Variants in GALNT11 observed in about 807,000 individuals in gnomAD.
GALNT11 encodes UDP-GalNAc:polypeptide N-acetylgalactosaminyltransferase 11.
Under a neutral mutation model 72.7 loss-of-function variants are expected in GALNT11, and 47 were observed. The ratio of observed to expected loss-of-function variants is 0.65; its 90% CI spans 0.51 to 0.82. The LOEUF is 0.82. Among genes scored for constraint, GALNT11 ranks in the 40% least tolerant of loss-of-function variants. GALNT11 has a pLI of 0.00. For synonymous variants in GALNT11, 270 were observed against 286.6 expected, an observed-to-expected ratio of 0.94 and a Z score of 0.58; for missense variants, 677 against 778.4, an observed-to-expected ratio of 0.87 and a Z score of 1.55.
intron 1 of GALNT11, among the ~76,000 whole-genome samples, chr7:152,040,356 G>T (rs1188918552): frequency 6.6e-6 from 1 of 152,162 alleles, no homozygotes; most frequent in Non-Finnish European, 1.5e-5. Context: ...TCGAGAATTA[G>T]CTCCTCCTGT....
chr7:152,121,805 C>T lies in GALNT11; in HGVS notation c.*128C>T, dbSNP rs201031133. The stretch of plus-strand genomic sequence containing the variant: ...AGAAGATGACAGTTCCCTGTCCTCC[C>T]GGAGATGCCTGGGTGTGTTAGCAGA... On this transcript the variant is annotated 3_prime_UTR_variant, in exon 12 of 12. Transcript: ENST00000430044. The T allele has an allele frequency of 3.4e-5, 41 of 1,208,856 alleles. 1 individual carries two copies. The highest frequency in any genetic ancestry group is 6.1e-5 in the South Asian group (4 of 65,132). 74.9% of individuals were successfully genotyped at this position (1,208,856 alleles called of 1,614,324 possible).
chr7:152,028,784 A>G (rs1386111471), intron 1 of GALNT11, among the ~76,000 whole-genome samples: 1 of 152,152 alleles, frequency 6.6e-6, no homozygotes, highest in Non-Finnish European at 1.5e-5. Flanking sequence ...CTGCAATTGT[A>G]GTGTCCTCCA....
In GALNT11 at chr7:152,113,712, C is replaced by CTTTTTTTTTTTTTTT. The variant is rs6150397; in HGVS notation, c.1233+342_1233+356dup. ...TGTGACGCCTGCAAAAGTTGGCTTT[C>CTTTTTTTTTTTTTTT]TTTTTTTTTTTTTTTTTTTTTTTTT... On this transcript the variant is annotated intron_variant, in intron 8 of 11. Coordinates refer to ENST00000430044, the MANE Select transcript of GALNT11 (RefSeq NM_022087.4). Among the ~76,000 whole-genome samples the CTTTTTTTTTTTTTTT allele has an allele frequency of 3.1e-4, 30 of 97,014 alleles. 4 individuals carry two copies. The highest frequency in any genetic ancestry group is 4.1e-4 in the Admixed American group (4 of 9,846). 63.6% of individuals were successfully genotyped at this position (97,014 alleles called of 152,430 possible).
chr7:152,033,563 G>A (rs2082409887), intron 1 of GALNT11, among the ~76,000 whole-genome samples: 1 of 152,238 alleles, frequency 6.6e-6, no homozygotes, highest in Non-Finnish European at 1.5e-5. Flanking sequence ...TGACTCTCAA[G>A]TGAGTCTGGT....
chr7:152,053,290 C>G (rs908864318), intron 1 of GALNT11, among the ~76,000 whole-genome samples: 1 of 152,152 alleles, frequency 6.6e-6, no homozygotes, highest in Non-Finnish European at 1.5e-5. Flanking sequence ...TAACCTTATC[C>G]TGCTCCGTGA....
intron 1 of GALNT11, among the ~76,000 whole-genome samples, chr7:152,056,982 G>A (rs911117145): frequency 6.0e-5 from 9 of 151,112 alleles, no homozygotes; most frequent in Admixed American, 5.3e-4. Context: ...GGGACCACAG[G>A]TGTGTGCCAG....
At chr7:152,105,125 G>A in intron 4 of GALNT11, 120 bp from the exon 5 acceptor site, 1 of 1,046,934 alleles carries the variant, frequency 9.6e-7, no homozygotes, top group Non-Finnish European at 1.4e-6. Flanking sequence ...ATATTCTGTA[G>A]TATTTGCTTG....
intron 1 of GALNT11, among the ~76,000 whole-genome samples, chr7:152,034,021 C>T (rs1304625904): frequency 6.6e-6 from 1 of 152,132 alleles, no homozygotes; most frequent in Non-Finnish European, 1.5e-5. Context: ...TGAAAACTTA[C>T]CCAGGTCTGC....
intron 1 of GALNT11, among the ~76,000 whole-genome samples, chr7:152,071,139 T>A (rs1587149133): frequency 6.6e-6 from 1 of 152,248 alleles, no homozygotes; most frequent in African/African-American, 2.4e-5. Context: ...TGATAACATC[T>A]TACCAGGAGA....
intron 1 of GALNT11, among the ~76,000 whole-genome samples, chr7:152,044,665 T>C (rs1163877635): frequency 6.6e-6 from 1 of 152,226 alleles, no homozygotes; most frequent in Non-Finnish European, 1.5e-5. Flanking sequence ...TTACTGAATT[T>C]ATCAGTTCTA....
In GALNT11 at chr7:152,036,790, G is replaced by T. The variant is rs186076039; in HGVS notation, c.-39+10906G>T. Among the ~76,000 whole-genome samples the T allele has an allele frequency of 1.5e-4, 23 of 152,280 alleles. No individual in the cohort carries two copies. The East Asian group carries it at 4.2e-3, about 28-fold the overall frequency. On this transcript the variant is annotated intron_variant, in intron 1 of 11. Coordinates refer to ENST00000430044, the MANE Select transcript of GALNT11 (RefSeq NM_022087.4). ...TTGGATATAAGCCATTTTAACTGGGGTGAGATGATATCTCCTTGTAGTTTT... is the reference window on the plus strand; with the variant it reads ...TTGGATATAAGCCATTTTAACTGGGTTGAGATGATATCTCCTTGTAGTTTT...
chr7:152,113,712 C>CTTTTTTTTTTTTTTTTTTTTTTTTTTTT (rs6150397), intron 8 of GALNT11, among the ~76,000 whole-genome samples: 2 of 96,972 alleles, frequency 2.1e-5, no homozygotes, highest in African/African-American at 4.6e-5. Context: ...AGTTGGCTTT[C>CTTTTTTTTTTTTTTTTTTTTTTTTTTTT]TTTTTTTTTT....
chr7:152,067,263 C>G (rs2129005302), intron 1 of GALNT11, among the ~76,000 whole-genome samples: 1 of 152,284 alleles, frequency 6.6e-6, no homozygotes, highest in South Asian at 2.1e-4. Flanking sequence ...CAGTGGTTGT[C>G]AGGTTTCTCC....
At chr7:152,119,435 A>G (rs553807863) in intron 10 of GALNT11, 1 of 152,128 alleles carries the variant, frequency 6.6e-6, no homozygotes, top group African/African-American at 2.4e-5. Context: ...GGTTGGTGTC[A>G]CTCAGAAAGG....
At chr7:152,059,610 T>G (rs58861485) in intron 1 of GALNT11, among the ~76,000 whole-genome samples, 1,762 of 152,278 alleles carry the variant, frequency 0.012, 36 homozygotes, top group African/African-American at 0.041. Context: ...GAAAACAACA[T>G]TTATCTCCTT....
intron 1 of GALNT11, among the ~76,000 whole-genome samples, chr7:152,056,444 C>G (rs2083682307): frequency 6.6e-6 from 1 of 152,158 alleles, no homozygotes; most frequent in South Asian, 2.1e-4. Context: ...GTGAGAACCA[C>G]TGGAGTAGAG....
rs2089445388 is a variant in GALNT11, at chr7:152,121,636, T to G, written c.1786T>G (p.Cys596Gly). 3 of 1,614,238 alleles carry G rather than the reference T, an allele frequency of 1.9e-6. No homozygotes were observed. The East Asian group carries it at 6.7e-5, about 36-fold the overall frequency. ...GQKGSVAMAICDGSSSQQWHL... is the reference protein window; with the variant it reads ...GQKGSVAMAIGDGSSSQQWHL... ...GAAGGGCTCTGTCGCCATGGCGATCTGCGATGGCTCCTCTTCACAGCAGTG... is the reference window on the plus strand; with the variant it reads ...GAAGGGCTCTGTCGCCATGGCGATCGGCGATGGCTCCTCTTCACAGCAGTG... Residue 596 changes from cysteine to glycine, a missense_variant, in exon 12 of 12, where the codon TGC becomes GGC. Physicochemically the swap from Cys to Gly is radical, Grantham distance 159. Coordinates refer to ENST00000430044, the MANE Select transcript of GALNT11 (RefSeq NM_022087.4).
intron 1 of GALNT11, among the ~76,000 whole-genome samples, chr7:152,075,340 T>G (rs2084893844): frequency 1.3e-5 from 2 of 152,254 alleles, no homozygotes; most frequent in South Asian, 4.1e-4. Context: ...TGTTTTTAAC[T>G]TGTATTTTGT....
intron 4 of GALNT11, chr7:152,103,759 T>A (rs2087226058): frequency 3.9e-5 from 6 of 154,318 alleles, no homozygotes; most frequent in Admixed American, 3.8e-4. Context: ...TCACACCTCC[T>A]GCTTTCCTCT....
Sources: gnomAD v4.1 joint callset for allele counts (sites outside exome capture counted in the v4.1 genomes callset) on GRCh38, gnomAD v4.1.1 for gene constraint, MANE v1.5 for transcripts, NCBI Gene and HGNC (gene_info 2026-07-23, HGNC 2026-07-21) for gene names.